Variants in EMILIN3 observed in about 807,000 individuals in gnomAD.
EMILIN3 encodes the protein EMILIN-3.
In EMILIN3, 38 loss-of-function variants were observed where a neutral mutation model predicts 42.8. That is an observed-to-expected ratio of 0.89 (90% CI 0.69 to 1.16). The LOEUF (loss-of-function observed/expected upper bound fraction) is 1.16. EMILIN3 is among the 50% of genes most tolerant of loss of function. The probability of loss-of-function intolerance (pLI) is 0.00; values close to 1 mark genes in which losing one functional copy is unlikely to be tolerated. For missense variants in EMILIN3, 924 were observed against 999.5 expected, an observed-to-expected ratio of 0.92 and a Z score of 1.02; for synonymous variants, 430 against 440.5, an observed-to-expected ratio of 0.98 and a Z score of 0.30.
chr20:41,364,030 G>T (rs1304871457), intron 2 of EMILIN3, among the ~76,000 whole-genome samples, 169 bp from the exon 3 acceptor site: 1 of 152,172 alleles, frequency 6.6e-6, no homozygotes, highest in Non-Finnish European at 1.5e-5. Context: ...ACAGGGGTGG[G>T]TAAGGGCAGG....
chr20:41,366,640 C>A lies in EMILIN3; in HGVS notation c.-6G>T. ...AGCAGGCGGCGGCGGCCCATAGCGG[C>A]CCCCGCGCCTCTGCCCGGCCCCGCG... On this transcript the variant is annotated 5_prime_UTR_variant, in exon 1 of 4. Transcript: ENST00000332312. This position sits in a 1 kb window ranked among gnomAD's most constrained non-coding sequence, Gnocchi z 4.2. The A allele has an allele frequency of 1.9e-6, 2 of 1,036,458 alleles. No individual in the cohort carries two copies. Among genetic ancestry groups the A allele is most frequent in the Non-Finnish European group, 1.2e-6 (1 of 864,926 alleles). The allele number at this position is 1,036,458 out of a possible 1,614,324, so 64.2% of individuals were successfully genotyped here.
At position 41,362,496 on chromosome 20, in the gene EMILIN3, C is replaced by T. The variant is rs137927451; in HGVS notation, c.1073G>A (p.Arg358Gln). 4.0e-4 allele frequency: 636 copies of T among 1,599,282 alleles called. 1 individual carries two copies. Among genetic ancestry groups the T allele is most frequent in the Non-Finnish European group, 4.9e-4 (579 of 1,179,328 alleles). ...SRRLHQSLDG[R>Q]ELALRQELSQ... ...CAGCTCCTGGCGCAGGGCCAGCTCC[C>T]GGCCATCAAGGCTCTGGTGCAGCCT... Residue 358 changes from arginine to glutamine, a missense_variant, in exon 4 of 4, where the codon CGG becomes CAG. Arg to Gln is a conservative substitution (Grantham distance 43). Transcript: ENST00000332312.
Position 41,360,301 on chromosome 20 carries a change from C to G in EMILIN3, c.*967G>C, listed in dbSNP as rs1249992859. ...AAGGCTTGGAGCCCCTTTCCTCCAG[C>G]TGGTGGCTCCTTCTCAGGGCCTGGC... On this transcript the variant is annotated 3_prime_UTR_variant, in exon 4 of 4. Coordinates refer to ENST00000332312, the MANE Select transcript of EMILIN3 (RefSeq NM_052846.2). 1.3e-5 allele frequency: 2 copies of G among 152,282 alleles called. No homozygotes were observed. The highest frequency in any genetic ancestry group is 4.8e-5 in the African/African-American group (2 of 41,446). The allele number at this position is 152,282 out of a possible 1,614,324, so 9.4% of individuals were successfully genotyped here.
At chr20:41,363,936 C>T in intron 2 of EMILIN3, 75 bp from the exon 3 acceptor site, 1 of 1,433,784 alleles carries the variant, frequency 7.0e-7, no homozygotes, top group Non-Finnish European at 9.7e-7. Flanking sequence ...GCACTCAGGG[C>T]CGCCCTCAGA....
rs1326152494 is a variant in EMILIN3 at position 41,366,580 on chromosome 20, C to A, written c.55G>T (p.Gly19Trp). 1.9e-5 allele frequency: 21 copies of A among 1,115,180 alleles called. No individual in the cohort carries two copies. The highest frequency in any genetic ancestry group is 2.2e-5 in the Non-Finnish European group (20 of 914,802). 69.1% of individuals were successfully genotyped at this position (1,115,180 alleles called of 1,614,324 possible). Residue 19 changes from glycine (G) to tryptophan (W), a missense_variant, in exon 1 of 4, where the codon GGG (glycine) becomes TGG (tryptophan). Physicochemically the swap from Gly to Trp is radical, Grantham distance 184. Transcript: ENST00000332312. This position sits in a 1 kb window ranked among gnomAD's most constrained non-coding sequence, Gnocchi z 4.2. ...AGCGGGGTGCCCCTGGCCTGCGCCC[C>A]CGAGAGCAGCGCCGCGACGGCGCAC... The part of the protein sequence containing the change: ...WLCAVAALLS[G>W]AQARGTPLLA...
chr20:41,362,070 C>G lies in EMILIN3; in HGVS notation c.1499G>C (p.Arg500Pro). 6.2e-7 allele frequency: 1 copy of G among 1,608,512 alleles called. No homozygotes were observed. The change falls in exon 4 of 4, where the codon CGG becomes CCG. Residue 500 changes from arginine to proline, a missense_variant. Physicochemically the swap from Arg to Pro is moderately radical, Grantham distance 103. Coordinates refer to ENST00000332312, the MANE Select transcript of EMILIN3 (RefSeq NM_052846.2). The part of the protein sequence containing the change: ...HDSASPGRSA[R>P]PLVQTELAVL... The stretch of plus-strand genomic sequence containing the variant: ...AGCCAGCTCTGTCTGTACAAGGGGC[C>G]GAGCTGACCTGCCCGGAGAGGCGCT...
Position 41,363,432 on chromosome 20 carries a change from C to T in EMILIN3, c.514+206G>A, listed in dbSNP as rs569394222. 7.1e-4 allele frequency among the ~76,000 whole-genome samples: 108 copies of T among 152,318 alleles called. 2 individuals carry two copies. The South Asian group carries it at 0.021, about 30-fold the overall frequency. ...CTGGGATTACAGGCATGAGCCACCGCGCCCAGCCCAGACTTTCTGTTCTAA... is the reference window on the plus strand; with the variant it reads ...CTGGGATTACAGGCATGAGCCACCGTGCCCAGCCCAGACTTTCTGTTCTAA... On this transcript the variant is annotated intron_variant, in intron 3 of 3. Transcript: ENST00000332312.
intron 3 of EMILIN3, 44 bp downstream of exon 3, chr20:41,363,594 C>A: frequency 1.3e-6 from 2 of 1,549,100 alleles, no homozygotes; most frequent in East Asian, 2.3e-5. Flanking sequence ...CCACTGAGCC[C>A]AAGAAACCCA....
chr20:41,363,275 G>A (rs955307912), intron 3 of EMILIN3, among the ~76,000 whole-genome samples: 1 of 152,040 alleles, frequency 6.6e-6, no homozygotes, highest in East Asian at 1.9e-4. Context: ...CAAGCAGCTG[G>A]GACTACAGGC....
At position 41,362,571 on chromosome 20, in the gene EMILIN3, C is replaced by A. The variant is rs541940749; in HGVS notation, c.998G>T (p.Arg333Leu). 2 of 1,600,342 alleles carry A rather than the reference C, an allele frequency of 1.2e-6. No homozygotes were observed. The highest frequency in any genetic ancestry group is 1.7e-6 in the Non-Finnish European group (2 of 1,179,276). Residue 333 changes from arginine to leucine, a missense_variant, in exon 4 of 4, where the codon CGG becomes CTG. By Grantham distance (102) the Arg-to-Leu change is moderately radical. Transcript: ENST00000332312. ...ACATTGCCGCCGTACCTCCTGCACC[C>A]GCAGGTCACACTCACTCTGGACGCC... ...LQGVQSECDL[R>L]VQEVRRQCEE...
chr20:41,364,958 G>A lies in EMILIN3; in HGVS notation c.290+77C>T, dbSNP rs1600756380. On this transcript the variant is annotated intron_variant, in intron 2 of 3. Coordinates refer to ENST00000332312, the MANE Select transcript of EMILIN3 (RefSeq NM_052846.2). Reference sequence around the variant, plus strand: ...GTCCAAGAAGCCCCTTGTGGAGTTGGCAGCTGCTCTCAGCTGAAGGCAGGA... The same window carrying A: ...GTCCAAGAAGCCCCTTGTGGAGTTGACAGCTGCTCTCAGCTGAAGGCAGGA... 4 of 1,589,106 alleles carry A rather than the reference G, an allele frequency of 2.5e-6. No homozygotes were observed. The East Asian group carries it at 6.7e-5, about 27-fold the overall frequency.
At position 41,361,778 on chromosome 20, in the gene EMILIN3, C is replaced by T. The variant is rs145897278; in HGVS notation, c.1791G>A (p.Ser597=). Residue 597 remains serine, a synonymous_variant, in exon 4 of 4, where the codon TCG becomes TCA. Coordinates refer to ENST00000332312, the MANE Select transcript of EMILIN3 (RefSeq NM_052846.2). ...LKVNLNSVSK[S]LTGLSDSVSQ... is the part of the protein sequence containing the mutation. ...TGACAGAGTCACTGAGGCCTGTGAG[C>T]GACTTGCTCACTGAGTTCAGATTGA... is the stretch of plus-strand genomic sequence containing the variant. The T allele has an allele frequency of 1.4e-4, 233 of 1,613,632 alleles. No homozygotes were observed. The African/African-American group carries it at 2.0e-3, about 14-fold the overall frequency.
At chr20:41,363,542 C>G (rs540155296) in intron 3 of EMILIN3, 96 bp downstream of exon 3, 2 of 1,262,870 alleles carry the variant, frequency 1.6e-6, no homozygotes, top group Admixed American at 2.6e-5. Context: ...CCATCCATGC[C>G]GGAGCTCAGC....
At position 41,364,108 on chromosome 20, in the gene EMILIN3, GGA is replaced by G. The variant is rs376548600; in HGVS notation, c.291-249_291-248del. Among the ~76,000 whole-genome samples, 20 of 152,280 alleles carry G rather than the reference GGA, an allele frequency of 1.3e-4. 1 individual carries two copies. In the East Asian group the frequency reaches 3.9e-3, roughly 29 times the overall value. On this transcript the variant is annotated intron_variant, in intron 2 of 3. Transcript: ENST00000332312. ...GAAGTCCCACCCATCCTGGTAGCTT[GGA>G]GAGAAGCAGGAATTTTGCCCCATCC... is the stretch of plus-strand genomic sequence containing the variant.
At position 41,361,486 on chromosome 20, in the gene EMILIN3, G is replaced by C. The variant is rs1248597852; in HGVS notation, c.2083C>G (p.Gln695Glu). 13 of 1,609,006 alleles carry C rather than the reference G, an allele frequency of 8.1e-6. No individual in the cohort carries two copies. Among genetic ancestry groups the C allele is most frequent in the East Asian group, 2.2e-5 (1 of 44,696 alleles). ...AGCCTCCTGCACGCACCCTCCACTT[G>C]TGCCACCCGCTGGTCAAAGTGTCCC... Reference protein sequence around the residue: ...TVGHFDQRVAQVEGACRRLGL... With the variant: ...TVGHFDQRVAEVEGACRRLGL... Residue 695 changes from glutamine to glutamate, a missense_variant, in exon 4 of 4, where the codon CAA becomes GAA. Physicochemically the swap from Gln to Glu is conservative, Grantham distance 29 (BLOSUM62 2). Coordinates refer to ENST00000332312, the MANE Select transcript of EMILIN3 (RefSeq NM_052846.2).
chr20:41,360,585 CTTTG>C lies in EMILIN3; in HGVS notation c.*679_*682del, dbSNP rs1161784993. 2.0e-5 allele frequency: 3 copies of C among 152,720 alleles called. No homozygotes were observed. The highest frequency in any genetic ancestry group is 7.2e-5 in the African/African-American group (3 of 41,468). The allele number at this position is 152,720 out of a possible 1,614,324, so 9.5% of individuals were successfully genotyped here. On this transcript the variant is annotated 3_prime_UTR_variant, in exon 4 of 4. Coordinates refer to ENST00000332312, the MANE Select transcript of EMILIN3 (RefSeq NM_052846.2). ...GAATAAAGAGAACTCTTGGCTGAGTCTTTGTGCTTCTGTTCTGTCCTGAAGGACA... is the reference window on the plus strand; with the variant it reads ...GAATAAAGAGAACTCTTGGCTGAGTCTGCTTCTGTTCTGTCCTGAAGGACA...
rs1419671311 is a variant in EMILIN3, at chr20:41,362,485, G to A, written c.1084C>T (p.Leu362=). Residue 362 remains leucine, a synonymous_variant, in exon 4 of 4, where the codon CTG becomes TTG. Coordinates refer to ENST00000332312, the MANE Select transcript of EMILIN3 (RefSeq NM_052846.2). ...HQSLDGRELA[L]RQELSQLGSQ... ...CCCAGCTGTGACAGCTCCTGGCGCA[G>A]GGCCAGCTCCCGGCCATCAAGGCTC... is the stretch of plus-strand genomic sequence containing the variant. The A allele has an allele frequency of 6.3e-7, 1 of 1,599,450 alleles. No individual in the cohort carries two copies. The highest frequency in any genetic ancestry group is 8.5e-7 in the Non-Finnish European group (1 of 1,179,432).
rs2046394355 is a variant in EMILIN3, at chr20:41,366,444, C to G, written c.167+24G>C. ...GCGCGGGCCCATCCCTCCCTCTTCC[C>G]GCCCGCCGCCCGCCCGCGCTTACTT... On this transcript the variant is annotated intron_variant, in intron 1 of 3. Coordinates refer to ENST00000332312, the MANE Select transcript of EMILIN3 (RefSeq NM_052846.2). The surrounding 1 kb of genome is among the most constrained non-coding windows in gnomAD (Gnocchi z 4.2). The G allele has an allele frequency of 9.0e-7, 1 of 1,114,888 alleles. No homozygotes were observed. The highest frequency in any genetic ancestry group is 5.1e-5 in the Admixed American group (1 of 19,742). 69.1% of individuals were successfully genotyped at this position (1,114,888 alleles called of 1,614,324 possible). A position where few individuals can be genotyped will look rare whatever the true frequency, so the allele number is the denominator to read the frequency against.
chr20:41,365,839 C>G (rs1214869041), intron 1 of EMILIN3, among the ~76,000 whole-genome samples: 1 of 152,256 alleles, frequency 6.6e-6, no homozygotes, highest in Non-Finnish European at 1.5e-5. Flanking sequence ...ACACCAGAAG[C>G]TGAGGCGGGG....
Sources: gnomAD v4.1 joint callset for allele counts (sites outside exome capture counted in the v4.1 genomes callset) on GRCh38, gnomAD v4.1.1 for gene constraint, Gnocchi (gnomAD v3.1) non-coding constraint, MANE v1.5 for transcripts, NCBI Gene and HGNC (gene_info 2026-07-23, HGNC 2026-07-21) for gene names.